The following PLEKHA6 variants were observed in gnomAD, a reference collection of about 807,000 sequenced individuals.
PLEKHA6 encodes pleckstrin homology domain containing A6, also known as pleckstrin homology domain-containing family A member 6.
A neutral mutation model predicts 116.7 loss-of-function variants in PLEKHA6; 60 were observed. The observed-to-expected ratio is 0.51, with a 90% CI of 0.42 to 0.64. The LOEUF (loss-of-function observed/expected upper bound fraction) is 0.64, where lower values mean the gene tolerates loss of function less well. Ranked by LOEUF, PLEKHA6 falls within the 30% of genes least tolerant of loss-of-function variation. The pLI is 0.00. For missense variants in PLEKHA6, 1,338 were observed against 1,422.7 expected (o/e 0.94, Z 0.96); for synonymous variants, 489 against 556.1 (o/e 0.88, Z 1.70).
At chr1:204,301,522 A>G in intron 1 of PLEKHA6, 2 of 967,300 alleles carry the variant, frequency 2.1e-6, no homozygotes, top group Non-Finnish European at 2.5e-6. Flanking sequence ...TTGGGCTTCC[A>G]GCCCTCTCTC....
At chr1:204,327,646 G>A (rs1039231830) in intron 1 of PLEKHA6, among the ~76,000 whole-genome samples, 70 of 152,224 alleles carry the variant, frequency 4.6e-4, no homozygotes, top group African/African-American at 1.4e-3. Flanking sequence ...ATGGGCGAGC[G>A]CTGTGCCAGG....
chr1:204,360,387 C>CA (rs1440753942), upstream of PLEKHA6, among the ~76,000 whole-genome samples: 1 of 151,960 alleles, frequency 6.6e-6, no homozygotes, highest in East Asian at 2.0e-4. Flanking sequence ...TCCCCCGCCC[C>CA]CCCCCCAATA....
chr1:204,339,631 A>G (rs1672776883), intron 1 of PLEKHA6, among the ~76,000 whole-genome samples: 1 of 152,234 alleles, frequency 6.6e-6, no homozygotes, highest in Admixed American at 6.5e-5. Flanking sequence ...CCCCAGGGAA[A>G]TAACTAGGGG....
intron 1 of PLEKHA6, among the ~76,000 whole-genome samples, chr1:204,345,654 C>T (rs1673014426): frequency 1.4e-5 from 2 of 144,638 alleles, no homozygotes; most frequent in Non-Finnish European, 1.5e-5. Flanking sequence ...TACTAGAGAG[C>T]TGGTGGAGGA....
chr1:204,228,223 T>C lies in PLEKHA6; in HGVS notation c.2891A>G (p.Gln964Arg). 1 of 1,602,618 alleles carries C rather than the reference T, an allele frequency of 6.2e-7. No homozygotes were observed. The highest frequency in any genetic ancestry group is 8.5e-7 in the Non-Finnish European group (1 of 1,172,838). ...IKTLIAKSSM[Q>R]NVVPIGEGDS... ...CCCCTCGCCGATGGGCACCACGTTC[T>C]GCATACTGAAGAGGCACAGACACAC... Residue 964 changes from glutamine (Q) to arginine (R), a missense_variant, in exon 21 of 23, where the codon CAG (glutamine) becomes CGG (arginine). Physicochemically the swap from Gln to Arg is conservative, Grantham distance 43 (BLOSUM62 1). This residue lies in a region of PLEKHA6 where 1,136 missense variants were observed against 1,163.6 expected (regional missense o/e 0.98). Coordinates refer to ENST00000272203, the MANE Select transcript of PLEKHA6 (RefSeq NM_014935.5). The surrounding 1 kb of genome is among the most constrained non-coding windows in gnomAD (Gnocchi z 4.0).
intron 9 of PLEKHA6, chr1:204,251,551 T>C: frequency 1.4e-6 from 1 of 702,870 alleles, no homozygotes; most frequent in Non-Finnish European, 2.6e-6. Flanking sequence ...AGTTGGGACC[T>C]GGGGGAGGAG....
rs139754844 is a variant in PLEKHA6 at position 204,257,847 on chromosome 1, A to G, written c.1030T>C (p.Ser344Pro). 1.9e-6 allele frequency: 3 copies of G among 1,612,774 alleles called. No homozygotes were observed. The highest frequency in any genetic ancestry group is 2.5e-6 in the Non-Finnish European group (3 of 1,179,236). ...CCATAGTACTCAGGGACCCTGCGAG[A>G]CACAGGATAGAACCTAGAGGGACTG... Reference protein sequence around the residue: ...LRSPSRFYPVSRRVPEYYGPY... With the variant: ...LRSPSRFYPVPRRVPEYYGPY... Residue 344 changes from serine to proline, a missense_variant, in exon 9 of 23, where the codon TCT (serine) becomes CCT (proline). Coordinates refer to ENST00000272203, the MANE Select transcript of PLEKHA6 (RefSeq NM_014935.5). The surrounding 1 kb of genome is among the most constrained non-coding windows in gnomAD (Gnocchi z 6.5).
At position 204,238,086 on chromosome 1, in the gene PLEKHA6, T is replaced by G. The variant is rs950242361; in HGVS notation, c.2409+3289A>C. ...AGAGGCACAGTCTAGTAGGCCTATT[T>G]GGAATTTGGAAGCAACATATTCCTC... On this transcript the variant is annotated intron_variant, in intron 17 of 22. Transcript: ENST00000272203. This position sits in a 1 kb window ranked among gnomAD's most constrained non-coding sequence, Gnocchi z 4.2. 3.9e-5 allele frequency among the ~76,000 whole-genome samples: 6 copies of G among 152,214 alleles called. No homozygotes were observed. The highest frequency in any genetic ancestry group is 1.4e-4 in the African/African-American group (6 of 41,460).
Position 204,257,779 on chromosome 1 carries a change from C to G in PLEKHA6, c.1098G>C (p.Pro366=). Residue 366 remains proline (P), a synonymous_variant, in exon 9 of 23, where the codon CCG becomes CCC. Transcript: ENST00000272203. This position sits in a 1 kb window ranked among gnomAD's most constrained non-coding sequence, Gnocchi z 6.5. ...SQYPDDYQYY[P]PGVRPESICS... ...AGATGCTCTCCGGCCGCACTCCTGGCGGGTAGTACTGATAATCATCGGGGT... is the reference window on the plus strand; with the variant it reads ...AGATGCTCTCCGGCCGCACTCCTGGGGGGTAGTACTGATAATCATCGGGGT... 6.2e-7 allele frequency: 1 copy of G among 1,613,970 alleles called. No individual in the cohort carries two copies.
chr1:204,297,163 T>G (rs1670366408), intron 1 of PLEKHA6: 1 of 981,650 alleles, frequency 1.0e-6, no homozygotes, highest in Non-Finnish European at 1.2e-6. Flanking sequence ...CATATCCTTC[T>G]TCCTAGAAAG....
chr1:204,267,115 A>G (rs1404446507), intron 5 of PLEKHA6, among the ~76,000 whole-genome samples: 2 of 152,180 alleles, frequency 1.3e-5, no homozygotes, highest in East Asian at 3.8e-4. Context: ...ACAAGCTCCA[A>G]TTAGTAGGTG....
chr1:204,244,437 G>A (rs886328296), intron 15 of PLEKHA6, among the ~76,000 whole-genome samples: 35 of 151,884 alleles, frequency 2.3e-4, no homozygotes, highest in African/African-American at 7.3e-4. Flanking sequence ...ACCCTGCCAC[G>A]TGTGTATCTT....
chr1:204,344,746 A>T (rs955288970), intron 1 of PLEKHA6, among the ~76,000 whole-genome samples: 2 of 152,214 alleles, frequency 1.3e-5, no homozygotes, highest in Non-Finnish European at 2.9e-5. Flanking sequence ...GAAGTGAGTG[A>T]CAAAGCAACA....
chr1:204,311,522 C>A, intron 1 of PLEKHA6: 2 of 685,670 alleles, frequency 2.9e-6, no homozygotes, highest in Non-Finnish European at 3.6e-6. Context: ...TGCTTCTACT[C>A]ATTGTTTCTA....
intron 15 of PLEKHA6, among the ~76,000 whole-genome samples, 182 bp downstream of exon 15, chr1:204,244,682 G>C (rs1284462545): frequency 6.6e-6 from 1 of 152,222 alleles, no homozygotes; most frequent in Non-Finnish European, 1.5e-5. Flanking sequence ...AACAGGTAAA[G>C]GGGAAACCTG....
chr1:204,328,050 ATTTATTTATTTATTT>A (rs1558183887), intron 1 of PLEKHA6, among the ~76,000 whole-genome samples: 4 of 3,116 alleles, frequency 1.3e-3, no homozygotes, highest in African/African-American at 1.8e-3. Flanking sequence ...TATTTATTTT[ATTTATTTATTTATTT>A]ATTTATTTAT....
intron 17 of PLEKHA6, among the ~76,000 whole-genome samples, chr1:204,237,289 G>C (rs979954872): frequency 6.6e-6 from 1 of 152,206 alleles, no homozygotes; most frequent in Non-Finnish European, 1.5e-5. Context: ...TTGGCTCCCT[G>C]ACTGGTAGGG....
chr1:204,282,097 G>A (rs1197979535), intron 1 of PLEKHA6, among the ~76,000 whole-genome samples: 1 of 152,176 alleles, frequency 6.6e-6, no homozygotes, highest in African/African-American at 2.4e-5. Flanking sequence ...TCACTGTAGT[G>A]TCTCCCAGCC....
Position 204,228,736 on chromosome 1 carries a change from G to A in PLEKHA6, c.2877C>T (p.Ala959=), listed in dbSNP as rs1402803660. ...TCACCCAGGCTGGTTACCTGGATTT[G>A]GCAATGAGTGTCTTGATCCTCTCCA... ...KKVERIKTLI[A]KSSMQNVVPI... is the part of the protein sequence containing the mutation. Residue 959 remains alanine (A), a synonymous_variant, in exon 20 of 23, where the codon GCC becomes GCT. Transcript: ENST00000272203. The surrounding 1 kb of genome is among the most constrained non-coding windows in gnomAD (Gnocchi z 4.0). 3.2e-5 allele frequency: 52 copies of A among 1,613,768 alleles called. No homozygotes were observed. Among genetic ancestry groups the A allele is most frequent in the Non-Finnish European group, 4.1e-5 (48 of 1,179,846 alleles).
Sources: gnomAD v4.1 joint callset for allele counts (sites outside exome capture counted in the v4.1 genomes callset) on GRCh38, gnomAD v4.1.1 for gene constraint, gnomAD v4.1.1 regional missense constraint, Gnocchi (gnomAD v3.1) non-coding constraint, MANE v1.5 for transcripts, NCBI Gene and HGNC (gene_info 2026-07-23, HGNC 2026-07-21) for gene names.